PTPRD: variants seen among roughly 807,000 people sequenced by gnomAD.
PTPRD encodes the protein receptor-type tyrosine-protein phosphatase delta.
PTPRD carries 34 observed loss-of-function variants against 214.5 expected under a neutral mutation model. The observed-to-expected ratio is 0.16, with a 90% CI of 0.12 to 0.21. PTPRD has a LOEUF of 0.21. PTPRD is among the 10% of genes least tolerant of loss of function. PTPRD has a pLI of 1.00. For missense variants in PTPRD, 2,545 were observed against 2,398.7 expected (o/e 1.06, Z -1.27); for synonymous variants, 1,128 against 845.7 (o/e 1.33, Z -5.79).
intron 5 of PTPRD, among the ~76,000 whole-genome samples, chr9:9,785,709 T>A (rs2098917940): frequency 1.3e-5 from 2 of 152,122 alleles, no homozygotes; most frequent in South Asian, 4.1e-4. Flanking sequence ...GAAAAACTAG[T>A]AAAATTCCAA....
intron 2 of PTPRD, among the ~76,000 whole-genome samples, chr9:10,456,644 C>T (rs916351673): frequency 2.6e-5 from 4 of 151,918 alleles, no homozygotes; most frequent in African/African-American, 9.7e-5. Context: ...GATGCAGACT[C>T]AGACACAGCA....
chr9:9,900,676 T>C (rs4598311), intron 5 of PTPRD, among the ~76,000 whole-genome samples: 39,751 of 145,298 alleles, frequency 0.27, 6,861 homozygotes, highest in East Asian at 0.51. Flanking sequence ...CTTGCTCTGT[T>C]GCCAGGCTGG....
rs181660422 is a variant in PTPRD, at chr9:9,773,514, G to A, written c.-367-6663C>T. 3.3e-5 allele frequency among the ~76,000 whole-genome samples: 5 copies of A among 152,060 alleles called. No individual in the cohort carries two copies. The East Asian group carries it at 7.7e-4, about 23-fold the overall frequency. Reference sequence around the variant, plus strand: ...AATCTTCCTTAATTCTCTAAGAGAGGTATTATAGAATATCTCATGACATAA... The same window carrying A: ...AATCTTCCTTAATTCTCTAAGAGAGATATTATAGAATATCTCATGACATAA... On this transcript the variant is annotated intron_variant, in intron 5 of 45. Transcript: ENST00000381196.
chr9:9,233,572 G>A (rs1197086179), intron 9 of PTPRD, among the ~76,000 whole-genome samples: 3 of 152,168 alleles, frequency 2.0e-5, no homozygotes, highest in Admixed American at 2.0e-4. Flanking sequence ...AGTCTCATCT[G>A]AGATAAGGCA....
At chr9:8,547,315 A>G (rs1261310804) in intron 14 of PTPRD, among the ~76,000 whole-genome samples, 2 of 152,200 alleles carry the variant, frequency 1.3e-5, no homozygotes, top group Admixed American at 1.3e-4. Context: ...TTTAGTAAAC[A>G]CTAACTTAAA....
chr9:9,682,317 C>G (rs1321891545), intron 7 of PTPRD, among the ~76,000 whole-genome samples: 1 of 151,694 alleles, frequency 6.6e-6, no homozygotes, highest in Non-Finnish European at 1.5e-5. Flanking sequence ...CCCATTCTAC[C>G]AAAGATACAC....
At chr9:9,738,875 C>T (rs2098349597) in intron 6 of PTPRD, among the ~76,000 whole-genome samples, 2 of 152,046 alleles carry the variant, frequency 1.3e-5, no homozygotes, top group Admixed American at 6.6e-5. Context: ...ATTATTTTAT[C>T]CCAATAATGT....
At chr9:9,365,961 T>C (rs1203565699) in intron 9 of PTPRD, among the ~76,000 whole-genome samples, 1 of 151,538 alleles carries the variant, frequency 6.6e-6, no homozygotes, top group Non-Finnish European at 1.5e-5. Flanking sequence ...AAATATAGCA[T>C]GGATCTTTGC....
At chr9:8,855,449 A>C (rs945926549) in intron 11 of PTPRD, among the ~76,000 whole-genome samples, 2 of 152,200 alleles carry the variant, frequency 1.3e-5, no homozygotes, top group Non-Finnish European at 1.5e-5. Flanking sequence ...CCCAAGAAGA[A>C]TCTGTGTTAC....
chr9:9,556,794 A>G (rs1480724165), intron 8 of PTPRD, among the ~76,000 whole-genome samples: 1 of 152,176 alleles, frequency 6.6e-6, no homozygotes, highest in East Asian at 1.9e-4. Context: ...GTGGTTCAAA[A>G]TCTTGATGAT....
chr9:9,883,520 C>T (rs1262296668), intron 5 of PTPRD, among the ~76,000 whole-genome samples: 6 of 152,192 alleles, frequency 3.9e-5, no homozygotes, highest in South Asian at 2.1e-4. Context: ...AGGTACTTCC[C>T]GGTTTTCACT....
intron 9 of PTPRD, among the ~76,000 whole-genome samples, chr9:9,255,681 C>T (rs1318410071): frequency 6.6e-6 from 1 of 151,956 alleles, no homozygotes; most frequent in East Asian, 1.9e-4. Flanking sequence ...CTACAAAATA[C>T]TGCAAAAAAG....
At chr9:8,475,629 T>G (rs961414377) in intron 30 of PTPRD, among the ~76,000 whole-genome samples, 12 of 152,180 alleles carry the variant, frequency 7.9e-5, no homozygotes, top group African/African-American at 2.7e-4. Flanking sequence ...ATAAAAGAAA[T>G]AATATGCCTT....
chr9:8,497,912 A>C (rs1242051876), intron 25 of PTPRD, among the ~76,000 whole-genome samples: 1 of 152,240 alleles, frequency 6.6e-6, no homozygotes, highest in Non-Finnish European at 1.5e-5. Context: ...GGAGAACACC[A>C]AAGCACACTG....
chr9:8,499,889 C>T lies in PTPRD; in HGVS notation c.2129-49G>A, dbSNP rs754795111. Reference sequence around the variant, plus strand: ...AGAAATTATAGGCACTTGTCCCACCCTATCAGAGCATTTTCTGCATTTTCT... The same window carrying T: ...AGAAATTATAGGCACTTGTCCCACCTTATCAGAGCATTTTCTGCATTTTCT... On this transcript the variant is annotated intron_variant, in intron 24 of 45. Transcript: ENST00000381196. 5 of 1,473,446 alleles carry T rather than the reference C, an allele frequency of 3.4e-6. No homozygotes were observed. The South Asian group carries it at 6.9e-5, about 20-fold the overall frequency. 91.3% of individuals were successfully genotyped at this position (1,473,446 alleles called of 1,614,324 possible).
chr9:9,236,090 C>G (rs1447945772), intron 9 of PTPRD, among the ~76,000 whole-genome samples: 1 of 151,980 alleles, frequency 6.6e-6, no homozygotes, highest in Non-Finnish European at 1.5e-5. Context: ...ATGGTGAAAC[C>G]CTGCCTCTAC....
intron 8 of PTPRD, among the ~76,000 whole-genome samples, chr9:9,430,525 T>C (rs542191106): frequency 9.2e-5 from 14 of 152,146 alleles, no homozygotes; most frequent in African/African-American, 9.6e-5. Context: ...CTACCAATGA[T>C]TTTCTTCACA....
chr9:9,713,023 C>A (rs2097763538), intron 7 of PTPRD, among the ~76,000 whole-genome samples: 1 of 152,152 alleles, frequency 6.6e-6, no homozygotes, highest in African/African-American at 2.4e-5. Context: ...ACAAACAATC[C>A]TAATATTCAT....
intron 2 of PTPRD, among the ~76,000 whole-genome samples, chr9:10,533,888 G>C (rs2057103528): frequency 6.6e-6 from 1 of 151,232 alleles, no homozygotes; most frequent in Non-Finnish European, 1.5e-5. Context: ...CATATAACTA[G>C]TTTCACCTTT....
Sources: gnomAD v4.1 joint callset for allele counts (sites outside exome capture counted in the v4.1 genomes callset) on GRCh38, gnomAD v4.1.1 for gene constraint, MANE v1.5 for transcripts, NCBI Gene and HGNC (gene_info 2026-07-23, HGNC 2026-07-21) for gene names.